Variants in TRAPPC9 observed in about 807,000 individuals in gnomAD.
TRAPPC9 encodes trafficking protein particle complex subunit 9, also known as IKK2 binding protein.
Under a neutral mutation model 124.0 loss-of-function variants are expected in TRAPPC9, and 83 were observed. The ratio of observed to expected loss-of-function variants is 0.67; its 90% CI spans 0.56 to 0.80. The LOEUF is 0.80. TRAPPC9 is among the 30% of genes least tolerant of loss of function. TRAPPC9 has a pLI of 0.00. For synonymous variants in TRAPPC9, 638 were observed against 617.5 expected (o/e 1.03, Z -0.49); for missense variants, 1,302 against 1,508.3 (o/e 0.86, Z 2.27).
intron 17 of TRAPPC9, among the ~76,000 whole-genome samples, chr8:140,145,867 A>T (rs1271670853): frequency 2.0e-5 from 3 of 151,682 alleles, no homozygotes; most frequent in Non-Finnish European, 4.4e-5. Context: ...TTCTTCCTTC[A>T]CATGTTTTCT....
rs1294001891 is a variant in TRAPPC9, at chr8:140,036,358, G to A, written c.2557-12279C>T. 2.0e-5 allele frequency among the ~76,000 whole-genome samples: 3 copies of A among 152,282 alleles called. No individual in the cohort carries two copies. The South Asian group carries it at 6.2e-4, about 32-fold the overall frequency. On this transcript the variant is annotated intron_variant, in intron 17 of 22. Transcript: ENST00000438773. ...TGGGGACGTGTTCGGGGGGTGGCAT[G>A]GAGTGAACATTGACGGTCAGGCTCC...
intron 17 of TRAPPC9, among the ~76,000 whole-genome samples, chr8:140,147,862 G>A (rs1198547608): frequency 2.0e-5 from 3 of 152,278 alleles, no homozygotes; most frequent in Non-Finnish European, 4.4e-5. Flanking sequence ...AGCACATGGA[G>A]CCTGTGACCA....
In TRAPPC9 at chr8:140,457,690, G is replaced by T. The variant is rs962910262; in HGVS notation, c.-62C>A. On this transcript the variant is annotated 5_prime_UTR_variant, in exon 1 of 23. Coordinates refer to ENST00000438773, the MANE Select transcript of TRAPPC9 (RefSeq NM_001160372.4). Reference sequence around the variant, plus strand: ...GGGAGCCCACGACCTGGCGGGCAGCGGGGCCGAGCAGCCTCTGCGGCCACT... The same window carrying T: ...GGGAGCCCACGACCTGGCGGGCAGCTGGGCCGAGCAGCCTCTGCGGCCACT... 12 of 986,616 alleles carry T rather than the reference G, an allele frequency of 1.2e-5. No homozygotes were observed. The highest frequency in any genetic ancestry group is 1.4e-5 in the Non-Finnish European group (12 of 830,754). 61.1% of individuals were successfully genotyped at this position (986,616 alleles called of 1,614,324 possible). A position where few individuals can be genotyped will look rare whatever the true frequency, so the allele number is the denominator to read the frequency against.
At chr8:139,976,817 C>A (rs1384137839) in intron 19 of TRAPPC9, among the ~76,000 whole-genome samples, 1 of 152,226 alleles carries the variant, frequency 6.6e-6, no homozygotes, top group Non-Finnish European at 1.5e-5. Flanking sequence ...CACTTACTCA[C>A]AGGCACCTGG....
At chr8:139,882,271 G>A (rs79182502) in intron 21 of TRAPPC9, among the ~76,000 whole-genome samples, 55 of 152,244 alleles carry the variant, frequency 3.6e-4, no homozygotes, top group African/African-American at 6.0e-4. Flanking sequence ...GTGTGAGGTC[G>A]CCATGGGAGA....
intron 16 of TRAPPC9, among the ~76,000 whole-genome samples, chr8:140,240,535 A>G (rs2063835371): frequency 6.6e-6 from 1 of 152,202 alleles, no homozygotes; most frequent in South Asian, 2.1e-4. Flanking sequence ...ATACACAGGT[A>G]GGTGAATCTC....
chr8:140,361,575 A>G (rs1278310669), intron 8 of TRAPPC9, among the ~76,000 whole-genome samples: 1 of 152,246 alleles, frequency 6.6e-6, no homozygotes, highest in African/African-American at 2.4e-5. Flanking sequence ...GTTGCTATTA[A>G]TATTATTATT....
chr8:140,249,447 C>T (rs2064072874), intron 16 of TRAPPC9, among the ~76,000 whole-genome samples: 1 of 151,924 alleles, frequency 6.6e-6, no homozygotes, highest in African/African-American at 2.4e-5. Context: ...CCACTTAGGT[C>T]GATTCCACAT....
Position 139,728,322 on chromosome 8 carries a change from G to T in TRAPPC9, c.*2739C>A, listed in dbSNP as rs199235. ...AGGATCAGAAGGGCAGAACCAACTCGCTCAGCTAGTGAAGTGCAATGGACA... is the reference window on the plus strand; with the variant it reads ...AGGATCAGAAGGGCAGAACCAACTCTCTCAGCTAGTGAAGTGCAATGGACA... On this transcript the variant is annotated 3_prime_UTR_variant, in exon 23 of 23. Transcript: ENST00000438773. Among the ~76,000 whole-genome samples the T allele has an allele frequency of 6.6e-6, 1 of 152,190 alleles. No individual in the cohort carries two copies. The highest frequency in any genetic ancestry group is 2.1e-4 in the South Asian group (1 of 4,830).
At chr8:140,016,918 G>T (rs556580560) in intron 18 of TRAPPC9, among the ~76,000 whole-genome samples, 11 of 152,288 alleles carry the variant, frequency 7.2e-5, no homozygotes, top group South Asian at 4.1e-4. Context: ...AGCAGTTTAT[G>T]TGAATTCTGG....
chr8:139,818,557 T>TA, intron 21 of TRAPPC9, among the ~76,000 whole-genome samples: 1 of 151,590 alleles, frequency 6.6e-6, no homozygotes, highest in Non-Finnish European at 1.5e-5. Context: ...GTCTGGGCAA[T>TA]AGAGCAAGGC....
intron 17 of TRAPPC9, among the ~76,000 whole-genome samples, chr8:140,192,362 T>C (rs1046292085): frequency 6.6e-6 from 1 of 152,218 alleles, no homozygotes; most frequent in East Asian, 1.9e-4. Context: ...CATGGCATGA[T>C]CACCTCAACG....
At chr8:140,286,033 T>C (rs1430286002) in intron 13 of TRAPPC9, among the ~76,000 whole-genome samples, 7 of 152,160 alleles carry the variant, frequency 4.6e-5, no homozygotes, top group African/African-American at 9.7e-5. Context: ...AAGGAATCTA[T>C]TGCACAGAGT....
intron 18 of TRAPPC9, among the ~76,000 whole-genome samples, chr8:140,010,903 C>T (rs1767574938): frequency 6.6e-6 from 1 of 152,146 alleles, no homozygotes; most frequent in African/African-American, 2.4e-5. Flanking sequence ...GCATTTAACA[C>T]ATTATGGGGT....
chr8:139,749,040 G>A (rs909168929), intron 21 of TRAPPC9, among the ~76,000 whole-genome samples: 8 of 152,116 alleles, frequency 5.3e-5, no homozygotes, highest in African/African-American at 1.7e-4. Flanking sequence ...TAGAAATGAC[G>A]ACTTCAATTG....
chr8:140,313,472 T>C (rs1282227782), intron 9 of TRAPPC9, among the ~76,000 whole-genome samples: 1 of 152,230 alleles, frequency 6.6e-6, no homozygotes, highest in Non-Finnish European at 1.5e-5. Context: ...GGGAGGCTGC[T>C]TCACCGCAGC....
At chr8:139,839,162 G>A (rs554400357) in intron 21 of TRAPPC9, among the ~76,000 whole-genome samples, 20 of 152,358 alleles carry the variant, frequency 1.3e-4, no homozygotes, top group East Asian at 3.9e-4. Context: ...TGTCCGGGAC[G>A]TGGCACAGGC....
At chr8:140,306,996 A>G (rs1450854259) in intron 10 of TRAPPC9, among the ~76,000 whole-genome samples, 1 of 152,062 alleles carries the variant, frequency 6.6e-6, no homozygotes, top group African/African-American at 2.4e-5. Flanking sequence ...GTGCCCAGCT[A>G]TTCGTAGGTT....
At chr8:140,099,197 G>A (rs759863304) in intron 17 of TRAPPC9, 3 of 151,848 alleles carry the variant, frequency 2.0e-5, no homozygotes, top group African/African-American at 7.3e-5. Flanking sequence ...CCTTCCGCAG[G>A]GGAGACACCC....
Sources: gnomAD v4.1 joint callset for allele counts (sites outside exome capture counted in the v4.1 genomes callset) on GRCh38, gnomAD v4.1.1 for gene constraint, MANE v1.5 for transcripts, NCBI Gene and HGNC (gene_info 2026-07-23, HGNC 2026-07-21) for gene names.